Variants in TOM1L2 observed in about 807,000 individuals in gnomAD.
The protein encoded by TOM1L2 is target of myb1 like 2 membrane trafficking protein, also known as TOM1-like protein 2.
A neutral mutation model predicts 67.9 loss-of-function variants in TOM1L2; 31 were observed. The ratio of observed to expected loss-of-function variants is 0.46; its 90% CI spans 0.34 to 0.62. The LOEUF (loss-of-function observed/expected upper bound fraction) is 0.62, where lower values mean the gene tolerates loss of function less well. Ranked by LOEUF, TOM1L2 falls within the 20% of genes least tolerant of loss-of-function variation. The pLI, the probability that TOM1L2 is intolerant of heterozygous loss-of-function variation, is 0.01. For synonymous variants in TOM1L2, 256 were observed against 254.0 expected (o/e 1.01, Z -0.07); for missense variants, 606 against 663.5 (o/e 0.91, Z 0.95).
chr17:17,969,781 T>C (rs1054899370), intron 1 of TOM1L2, among the ~76,000 whole-genome samples: 2 of 152,228 alleles, frequency 1.3e-5, no homozygotes, highest in African/African-American at 4.8e-5. Context: ...ACTGAGCTTC[T>C]ACTATGTTCC....
intron 1 of TOM1L2, among the ~76,000 whole-genome samples, chr17:17,970,535 G>A (rs561249158): frequency 6.6e-6 from 1 of 152,310 alleles, no homozygotes; most frequent in South Asian, 2.1e-4. Context: ...TGGCTGCCAT[G>A]CAAGAGCACC....
At chr17:17,965,630 A>G (rs1187775119) in intron 1 of TOM1L2, among the ~76,000 whole-genome samples, 1 of 152,160 alleles carries the variant, frequency 6.6e-6, no homozygotes, top group Non-Finnish European at 1.5e-5. Context: ...TTCAGACTAT[A>G]GCTCCCTCAC....
At chr17:17,938,253 T>C (rs937745227) in intron 1 of TOM1L2, among the ~76,000 whole-genome samples, 3 of 152,212 alleles carry the variant, frequency 2.0e-5, no homozygotes, top group Non-Finnish European at 4.4e-5. Context: ...GAGTTTTCCA[T>C]TACTGGAGGT....
At chr17:17,878,127 G>T (rs1252957365) in intron 7 of TOM1L2, among the ~76,000 whole-genome samples, 1 of 152,228 alleles carries the variant, frequency 6.6e-6, no homozygotes, top group Non-Finnish European at 1.5e-5. Context: ...TCTGGGTAAC[G>T]CCTGGCCGAA....
chr17:17,933,513 T>C (rs1598364253), intron 1 of TOM1L2, among the ~76,000 whole-genome samples: 2 of 152,168 alleles, frequency 1.3e-5, no homozygotes, highest in Non-Finnish European at 2.9e-5. Context: ...TCATATTCCC[T>C]TGGGGCCTCT....
At chr17:17,859,439 G>C (rs2036434446) in intron 12 of TOM1L2, 1 of 152,296 alleles carries the variant, frequency 6.6e-6, no homozygotes, top group East Asian at 1.9e-4. Context: ...GGTCAGCATG[G>C]CTTGGGATGG....
intron 12 of TOM1L2, among the ~76,000 whole-genome samples, chr17:17,860,232 T>G (rs1296162875): frequency 6.6e-6 from 1 of 152,256 alleles, no homozygotes; most frequent in African/African-American, 2.4e-5. Context: ...ATGCCCACGC[T>G]GGGGCAGGTG....
At chr17:17,869,305 A>AT in intron 8 of TOM1L2, 35 bp downstream of exon 8, 1 of 1,551,738 alleles carries the variant, frequency 6.4e-7, no homozygotes. Context: ...AATCTTTTCA[A>AT]GGGAAAAAAA....
intron 10 of TOM1L2, among the ~76,000 whole-genome samples, chr17:17,864,973 C>A (rs1011589931): frequency 6.6e-6 from 1 of 151,912 alleles, no homozygotes; most frequent in East Asian, 1.9e-4. Flanking sequence ...GGAAAGTAGA[C>A]GAGAAATATT....
chr17:17,920,547 C>T (rs1390155986), intron 1 of TOM1L2, among the ~76,000 whole-genome samples: 2 of 151,832 alleles, frequency 1.3e-5, no homozygotes, highest in Non-Finnish European at 2.9e-5. Context: ...ACAATGTTGG[C>T]CAGGCTGGTC....
chr17:17,867,013 T>G, intron 8 of TOM1L2, 89 bp from the exon 9 acceptor site: 27 of 1,286,664 alleles, frequency 2.1e-5, no homozygotes, highest in East Asian at 7.0e-5. Flanking sequence ...GAAGAATCCC[T>G]GGGACCAAGA....
intron 12 of TOM1L2, 43 bp from the exon 13 acceptor site, chr17:17,850,995 C>A: frequency 1.2e-6 from 2 of 1,606,422 alleles, no homozygotes; most frequent in South Asian, 2.2e-5. Flanking sequence ...CCCCACACAG[C>A]CAGCGAGGGG....
At chr17:17,954,211 A>T (rs947672072) in intron 1 of TOM1L2, among the ~76,000 whole-genome samples, 1 of 151,980 alleles carries the variant, frequency 6.6e-6, no homozygotes, top group South Asian at 2.1e-4. Context: ...AAAAGGAGGG[A>T]GTGGGAACGG....
At chr17:17,907,394 G>C in intron 2 of TOM1L2, 53 bp downstream of exon 2, 1 of 1,545,164 alleles carries the variant, frequency 6.5e-7, no homozygotes, top group Non-Finnish European at 8.9e-7. Context: ...GACAAGCTTT[G>C]AGTGGCCCCT....
At chr17:17,852,232 C>A (rs1385349951) in intron 12 of TOM1L2, among the ~76,000 whole-genome samples, 1 of 152,214 alleles carries the variant, frequency 6.6e-6, no homozygotes, top group Non-Finnish European at 1.5e-5. Context: ...AATAACACGA[C>A]CTTCACAAAG....
intron 10 of TOM1L2, among the ~76,000 whole-genome samples, chr17:17,865,761 T>C (rs1420647085): frequency 5.4e-5 from 8 of 148,096 alleles, no homozygotes; most frequent in African/African-American, 2.0e-4. Flanking sequence ...TTTTTTTTTT[T>C]TGAGACAGTG....
At chr17:17,851,073 C>A in intron 12 of TOM1L2, 121 bp from the exon 13 acceptor site, 1 of 1,048,092 alleles carries the variant, frequency 9.5e-7, no homozygotes, top group Non-Finnish European at 1.4e-6. Flanking sequence ...GTACACAGAG[C>A]AAAAAAACAC....
At chr17:17,906,577 G>A (rs71367420) in intron 2 of TOM1L2, among the ~76,000 whole-genome samples, 16 of 152,144 alleles carry the variant, frequency 1.1e-4, no homozygotes, top group South Asian at 4.1e-4. Context: ...TAGACTGGCC[G>A]CTCCCCAAGG....
intron 13 of TOM1L2, among the ~76,000 whole-genome samples, chr17:17,850,553 C>A (rs538927939): frequency 2.0e-5 from 3 of 151,818 alleles, no homozygotes; most frequent in Non-Finnish European, 4.4e-5. Context: ...CCCCAAAAAA[C>A]CAAAGCACGG....
Sources: gnomAD v4.1 joint callset for allele counts (sites outside exome capture counted in the v4.1 genomes callset) on GRCh38, gnomAD v4.1.1 for gene constraint, MANE v1.5 for transcripts, NCBI Gene and HGNC (gene_info 2026-07-23, HGNC 2026-07-21) for gene names.